ZDHHC5: variants seen among roughly 807,000 people sequenced by gnomAD.
The protein encoded by ZDHHC5 is zDHHC palmitoyltransferase 5.
Under a neutral mutation model 70.0 loss-of-function variants are expected in ZDHHC5, and 22 were observed. The ratio of observed to expected loss-of-function variants is 0.31; its 90% CI spans 0.22 to 0.45. ZDHHC5 has a LOEUF of 0.45. ZDHHC5 is among the 20% of genes least tolerant of loss of function. ZDHHC5 has a pLI of 1.00. For synonymous variants in ZDHHC5, 313 were observed against 347.8 expected, an observed-to-expected ratio of 0.90 and a Z score of 1.11; for missense variants, 746 against 926.9, an observed-to-expected ratio of 0.80 and a Z score of 2.53.
intron 5 of ZDHHC5, 32 bp downstream of exon 5, chr11:57,690,235 T>TATC (rs1313867070): frequency 1.2e-6 from 2 of 1,612,918 alleles, no homozygotes; most frequent in African/African-American, 2.7e-5. Flanking sequence ...ATTGTGGGAT[T>TATC]GGAAGGGGGA....
At position 57,698,785 on chromosome 11, in the gene ZDHHC5, G is replaced by A; in HGVS notation, c.1349G>A (p.Gly450Asp). 1 of 1,614,168 alleles carries A rather than the reference G, an allele frequency of 6.2e-7. No homozygotes were observed. ...CAGTTGCAATCCATTCGTTCAGAGG[G>A]CACCACCTCCACCTCCTATAAGAGC... ...LGQLQSIRSE[G>D]TTSTSYKSLA... Residue 450 changes from glycine to aspartate, a missense_variant, in exon 11 of 12, where the codon GGC becomes GAC. Physicochemically the swap from Gly to Asp is moderately conservative, Grantham distance 94. This residue lies in a region of ZDHHC5 where 340 missense variants were observed against 350.1 expected (regional missense o/e 0.97). Coordinates refer to ENST00000287169, the MANE Select transcript of ZDHHC5 (RefSeq NM_015457.3).
intron 3 of ZDHHC5, among the ~76,000 whole-genome samples, chr11:57,683,563 G>A (rs1946173852): frequency 6.6e-6 from 1 of 152,106 alleles, no homozygotes; most frequent in African/African-American, 2.4e-5. Context: ...GGGTTTGGAG[G>A]GAAGACAGAA....
intron 4 of ZDHHC5, among the ~76,000 whole-genome samples, chr11:57,689,070 C>T (rs894739453): frequency 4.6e-5 from 7 of 152,086 alleles, no homozygotes; most frequent in African/African-American, 1.7e-4. Flanking sequence ...ATTTATAGTT[C>T]TAGCCTTCTA....
At chr11:57,685,007 A>G (rs1346416023) in intron 3 of ZDHHC5, among the ~76,000 whole-genome samples, 2 of 151,876 alleles carry the variant, frequency 1.3e-5, no homozygotes, top group Admixed American at 1.3e-4. Flanking sequence ...AATTAGCCCG[A>G]CATGGTGGTG....
At chr11:57,699,622 A>G (rs373802306) in intron 11 of ZDHHC5, among the ~76,000 whole-genome samples, 3 of 152,218 alleles carry the variant, frequency 2.0e-5, no homozygotes, top group Admixed American at 6.5e-5. Flanking sequence ...CCATAATGCT[A>G]TCTTCCTAAA....
chr11:57,693,033 G>A (rs1376982657), intron 7 of ZDHHC5, among the ~76,000 whole-genome samples: 3 of 151,912 alleles, frequency 2.0e-5, no homozygotes, highest in African/African-American at 7.3e-5. Flanking sequence ...AGATTCTCAT[G>A]GCTGGGTGTG....
At chr11:57,678,800 A>G (rs1624389) in intron 2 of ZDHHC5, among the ~76,000 whole-genome samples, 99,308 of 151,800 alleles carry the variant, frequency 0.65, 33,432 homozygotes, top group East Asian at 0.9. Context: ...GGTTGCTTGA[A>G]TCTGGGAGGC....
chr11:57,692,824 T>G (rs1480318201), intron 7 of ZDHHC5, 122 bp downstream of exon 7: 2 of 913,106 alleles, frequency 2.2e-6, no homozygotes, highest in Non-Finnish European at 3.3e-6. Flanking sequence ...TCTTAGAATG[T>G]TAAGTACCCA....
Position 57,699,212 on chromosome 11 carries a change from A to G in ZDHHC5, c.1776A>G (p.Arg592=). The G allele has an allele frequency of 6.2e-7, 1 of 1,614,218 alleles. No homozygotes were observed. The highest frequency in any genetic ancestry group is 8.5e-7 in the Non-Finnish European group (1 of 1,180,048). ...GTTCCTCCTCAGATGATTCAAAGAGATCACCTTTGGGCAAGACTCCACTGG... is the reference window on the plus strand; with the variant it reads ...GTTCCTCCTCAGATGATTCAAAGAGGTCACCTTTGGGCAAGACTCCACTGG... ...RTSSSSDDSK[R]SPLGKTPLGR... The change falls in exon 11 of 12, where the codon AGA becomes AGG. Residue 592 remains arginine, a synonymous_variant. Coordinates refer to ENST00000287169, the MANE Select transcript of ZDHHC5 (RefSeq NM_015457.3).
intron 1 of ZDHHC5, among the ~76,000 whole-genome samples, chr11:57,670,722 G>T (rs897865316): frequency 3.3e-5 from 5 of 151,920 alleles, no homozygotes; most frequent in Non-Finnish European, 7.4e-5. Flanking sequence ...AGAGAGAAAT[G>T]AATCGTAAGG....
intron 2 of ZDHHC5, among the ~76,000 whole-genome samples, chr11:57,674,585 G>A (rs1295338374): frequency 6.6e-6 from 1 of 152,102 alleles, no homozygotes; most frequent in Non-Finnish European, 1.5e-5. Flanking sequence ...AAGTGGTAGG[G>A]AATAAAAACA....
At chr11:57,686,975 C>T (rs1167838982) in intron 3 of ZDHHC5, among the ~76,000 whole-genome samples, 2 of 151,868 alleles carry the variant, frequency 1.3e-5, no homozygotes, top group African/African-American at 4.8e-5. Flanking sequence ...GGATTACAGG[C>T]GTGTGCCACC....
chr11:57,682,615 G>C (rs946582961), intron 3 of ZDHHC5, 72 bp downstream of exon 3: 1 of 1,526,412 alleles, frequency 6.6e-7, no homozygotes, highest in African/African-American at 1.4e-5. Context: ...ATACACAGTT[G>C]ATCTTGGGCC....
rs1165507531 is a variant in ZDHHC5 at position 57,696,772 on chromosome 11, T to C, written c.1021T>C (p.Leu341=). 1.2e-6 allele frequency: 2 copies of C among 1,613,728 alleles called. No individual in the cohort carries two copies. The highest frequency in any genetic ancestry group is 1.7e-6 in the Non-Finnish European group (2 of 1,179,808). Residue 341 remains leucine, a synonymous_variant, in exon 10 of 12, where the codon TTG becomes CTG. Coordinates refer to ENST00000287169, the MANE Select transcript of ZDHHC5 (RefSeq NM_015457.3). Reference sequence around the variant, plus strand: ...CTTTTTTCTTGCAGATAGTAGCTTATTGGCCAAGGACAGCCCCCCGACACC... The same window carrying C: ...CTTTTTTCTTGCAGATAGTAGCTTACTGGCCAAGGACAGCCCCCCGACACC... The part of the protein sequence containing the change: ...GLATNEDSSL[L]AKDSPPTPTM...
intron 11 of ZDHHC5, among the ~76,000 whole-genome samples, 167 bp from the exon 12 acceptor site, chr11:57,699,699 T>A (rs1300595731): frequency 6.6e-6 from 1 of 152,224 alleles, no homozygotes; most frequent in Non-Finnish European, 1.5e-5. Flanking sequence ...TAGGAGAGAT[T>A]GGGAATCAGG....
Position 57,700,273 on chromosome 11 carries a change from G to T in ZDHHC5, c.*242G>T. On this transcript the variant is annotated 3_prime_UTR_variant, in exon 12 of 12. Transcript: ENST00000287169. ...TAAGACCTTCCCTTCCTTGATCCCT[G>T]GACCAGACTCAGTGGACATTTGTGC... is the stretch of plus-strand genomic sequence containing the variant. 2.5e-6 allele frequency: 1 copy of T among 392,678 alleles called. No individual in the cohort carries two copies. Among genetic ancestry groups the T allele is most frequent in the Non-Finnish European group, 4.5e-6 (1 of 222,958 alleles). 24.3% of individuals were successfully genotyped at this position (392,678 alleles called of 1,614,324 possible). A position where few individuals can be genotyped will look rare whatever the true frequency, so the allele number is the denominator to read the frequency against.
intron 2 of ZDHHC5, among the ~76,000 whole-genome samples, chr11:57,675,678 A>T (rs1946063002): frequency 6.6e-6 from 1 of 152,214 alleles, no homozygotes; most frequent in African/African-American, 2.4e-5. Context: ...GTGGGGGCAC[A>T]AACACACTGT....
At chr11:57,676,967 G>C (rs1270439975) in intron 2 of ZDHHC5, among the ~76,000 whole-genome samples, 4 of 125,774 alleles carry the variant, frequency 3.2e-5, no homozygotes, top group Admixed American at 2.9e-4. Context: ...TGTCGCCCAG[G>C]CTGGAGTGCA....
At position 57,699,506 on chromosome 11, in the gene ZDHHC5, T is replaced by C. The variant is rs2969940; in HGVS notation, c.1982+88T>C. The C allele has an allele frequency of 9.3e-3, 13,942 of 1,500,844 alleles. 1,183 individuals are homozygous for C. In the African/African-American group the frequency reaches 0.18, roughly 19 times the overall value. The allele number at this position is 1,500,844 out of a possible 1,614,324, so 93.0% of individuals were successfully genotyped here. A position where few individuals can be genotyped will look rare whatever the true frequency, so the allele number is the denominator to read the frequency against. ...CTATCAGGGCTTCTGTTGTACATCC[T>C]AATGTAGGTGGACCCAGGGGTATCC... On this transcript the variant is annotated intron_variant, in intron 11 of 11. Coordinates refer to ENST00000287169, the MANE Select transcript of ZDHHC5 (RefSeq NM_015457.3).
Sources: gnomAD v4.1 joint callset for allele counts (sites outside exome capture counted in the v4.1 genomes callset) on GRCh38, gnomAD v4.1.1 for gene constraint, gnomAD v4.1.1 regional missense constraint, MANE v1.5 for transcripts, NCBI Gene and HGNC (gene_info 2026-07-23, HGNC 2026-07-21) for gene names.